GNAI3: variants seen among roughly 807,000 people sequenced by gnomAD.
GNAI3 encodes the protein G protein subunit alpha i3.
A neutral mutation model predicts 41.8 loss-of-function variants in GNAI3; 12 were observed. The ratio of observed to expected loss-of-function variants is 0.29; its 90% CI spans 0.18 to 0.47. The LOEUF is 0.47. Among genes scored for constraint, GNAI3 ranks in the 20% least tolerant of loss-of-function variants. GNAI3 has a pLI of 1.00. For synonymous variants in GNAI3, 132 were observed against 146.5 expected (o/e 0.90, Z 0.71); for missense variants, 360 against 429.6 (o/e 0.84, Z 1.43).
intron 3 of GNAI3, among the ~76,000 whole-genome samples, chr1:109,574,906 C>T (rs929298358): frequency 6.6e-6 from 1 of 152,176 alleles, no homozygotes; most frequent in South Asian, 2.1e-4. Flanking sequence ...TAGGAACTCT[C>T]ATAAGCCACT....
intron 7 of GNAI3, among the ~76,000 whole-genome samples, chr1:109,588,064 A>G (rs1649077486): frequency 6.6e-6 from 1 of 152,124 alleles, no homozygotes; most frequent in Non-Finnish European, 1.5e-5. Context: ...CAGCCTAGTC[A>G]CAGTTTCTGT....
At chr1:109,575,970 G>A (rs1434619687) in intron 3 of GNAI3, among the ~76,000 whole-genome samples, 1 of 152,148 alleles carries the variant, frequency 6.6e-6, no homozygotes, top group East Asian at 1.9e-4. Flanking sequence ...AACCTAGTCT[G>A]TAATCCTATA....
At position 109,548,807 on chromosome 1, in the gene GNAI3, A is replaced by C; in HGVS notation, c.87A>C (p.Lys29Asn). The change falls in exon 1 of 9, where the codon AAA becomes AAC. Residue 29 changes from lysine (K) to asparagine (N), a missense_variant. Lys to Asn is a moderately conservative substitution (Grantham distance 94, BLOSUM62 0). Coordinates refer to ENST00000369851, the MANE Select transcript of GNAI3 (RefSeq NM_006496.4). ...IDRNLREDGEKAAKEVKLLLL... is the reference protein window; with the variant it reads ...IDRNLREDGENAAKEVKLLLL... Reference sequence around the variant, plus strand: ...GCAACTTACGGGAGGACGGGGAAAAAGCGGCCAAAGAAGTGAAGCTGCTGC... The same window carrying C: ...GCAACTTACGGGAGGACGGGGAAAACGCGGCCAAAGAAGTGAAGCTGCTGC... 6.8e-6 allele frequency: 11 copies of C among 1,611,196 alleles called. No homozygotes were observed. The highest frequency in any genetic ancestry group is 9.3e-6 in the Non-Finnish European group (11 of 1,178,408).
intron 1 of GNAI3, among the ~76,000 whole-genome samples, chr1:109,570,674 G>A (rs781004763): frequency 1.8e-4 from 28 of 152,206 alleles, no homozygotes; most frequent in Non-Finnish European, 3.4e-4. Flanking sequence ...ACCTAACTCA[G>A]TAAGAACCGG....
intron 1 of GNAI3, among the ~76,000 whole-genome samples, chr1:109,561,018 T>A (rs999316376): frequency 1.3e-5 from 2 of 152,234 alleles, no homozygotes; most frequent in African/African-American, 4.8e-5. Flanking sequence ...TCGTTTGATA[T>A]AATGATAAAA....
At chr1:109,564,092 C>T (rs772307051) in intron 1 of GNAI3, among the ~76,000 whole-genome samples, 25 of 148,124 alleles carry the variant, frequency 1.7e-4, no homozygotes, top group Non-Finnish European at 3.4e-4. Context: ...CAAACTAGGA[C>T]CAAAAGTTGG....
Position 109,599,567 on chromosome 1 carries a change from G to A in GNAI3, c.*7245G>A, listed in dbSNP as rs11101969. The A allele has an allele frequency of 0.43, 64,780 of 152,002 alleles. 15,145 individuals carry two copies. Among genetic ancestry groups the A allele is most frequent in the East Asian group, 0.64 (3,317 of 5,178 alleles). The allele number at this position is 152,002 out of a possible 1,614,324, so 9.4% of individuals were successfully genotyped here. A position where few individuals can be genotyped will look rare whatever the true frequency, so the allele number is the denominator to read the frequency against. On this transcript the variant is annotated 3_prime_UTR_variant, in exon 9 of 9. Transcript: ENST00000369851. ...CTATCAGATTTATGTGAAATGTAAC[G>A]TAATTTACATTTGATTTACTGTTAG...
chr1:109,580,887 A>G (rs548050997), intron 4 of GNAI3, among the ~76,000 whole-genome samples: 6 of 152,314 alleles, frequency 3.9e-5, no homozygotes, highest in East Asian at 3.9e-4. Context: ...TATTCTTTCA[A>G]TGAGAACTTG....
At chr1:109,579,169 G>A (rs771959477) in intron 3 of GNAI3, 35 bp from the exon 4 acceptor site, 7 of 1,547,488 alleles carry the variant, frequency 4.5e-6, no homozygotes, top group Admixed American at 1.8e-5. Flanking sequence ...AAGAAATGGA[G>A]AGTCATCTGT....
At chr1:109,579,136 A>G in intron 3 of GNAI3, 68 bp from the exon 4 acceptor site, 1 of 1,297,012 alleles carries the variant, frequency 7.7e-7, no homozygotes, top group Non-Finnish European at 1.1e-6. Context: ...TCTATATTTT[A>G]AAGAGACTGT....
At position 109,598,902 on chromosome 1, in the gene GNAI3, G is replaced by A. The variant is rs750451025; in HGVS notation, c.*6580G>A. On this transcript the variant is annotated 3_prime_UTR_variant, in exon 9 of 9. Coordinates refer to ENST00000369851, the MANE Select transcript of GNAI3 (RefSeq NM_006496.4). Reference sequence around the variant, plus strand: ...GAATCTGTGCTCTGGGGGCTGTGCCGGGTAGAGAGGGCAGTGGGAGGTAAG... The same window carrying A: ...GAATCTGTGCTCTGGGGGCTGTGCCAGGTAGAGAGGGCAGTGGGAGGTAAG... 5.6e-6 allele frequency: 3 copies of A among 534,678 alleles called. No individual in the cohort carries two copies. The highest frequency in any genetic ancestry group is 3.9e-5 in the African/African-American group (2 of 51,942). 33.1% of individuals were successfully genotyped at this position (534,678 alleles called of 1,614,324 possible). A position where few individuals can be genotyped will look rare whatever the true frequency, so the allele number is the denominator to read the frequency against.
intron 1 of GNAI3, among the ~76,000 whole-genome samples, chr1:109,570,388 A>G (rs986783665): frequency 1.3e-5 from 2 of 152,234 alleles, no homozygotes; most frequent in Non-Finnish European, 2.9e-5. Flanking sequence ...TAGATAATTT[A>G]TGTCATGACC....
At position 109,586,304 on chromosome 1, in the gene GNAI3, C is replaced by G. The variant is rs1649030737; in HGVS notation, c.679C>G (p.Leu227Val). The change falls in exon 6 of 9, where the codon CTC becomes GTC. Residue 227 changes from leucine (L) to valine (V), a missense_variant. Physicochemically the swap from Leu to Val is conservative, Grantham distance 32. Transcript: ENST00000369851. ...GVTAIIFCVA[L>V]SDYDLVLAED... Reference sequence around the variant, plus strand: ...GACAGCAATTATCTTCTGTGTGGCCCTCAGTGATTATGACCTTGTTCTGGC... The same window carrying G: ...GACAGCAATTATCTTCTGTGTGGCCGTCAGTGATTATGACCTTGTTCTGGC... The G allele has an allele frequency of 1.2e-6, 2 of 1,613,274 alleles. No individual in the cohort carries two copies. Among genetic ancestry groups the G allele is most frequent in the Non-Finnish European group, 1.7e-6 (2 of 1,179,484 alleles).
At position 109,598,546 on chromosome 1, in the gene GNAI3, C is replaced by T. The variant is rs777505985; in HGVS notation, c.*6224C>T. 2.9e-5 allele frequency: 5 copies of T among 175,034 alleles called. No homozygotes were observed. The highest frequency in any genetic ancestry group is 5.0e-5 in the Non-Finnish European group (4 of 80,448). The allele number at this position is 175,034 out of a possible 1,614,324, so 10.8% of individuals were successfully genotyped here. A position where few individuals can be genotyped will look rare whatever the true frequency, so the allele number is the denominator to read the frequency against. ...CAGAAAAAAAAAAATCCTAAGGCAG[C>T]ACCAACAAAGGTATTCAACGTAGTG... On this transcript the variant is annotated 3_prime_UTR_variant, in exon 9 of 9. Coordinates refer to ENST00000369851, the MANE Select transcript of GNAI3 (RefSeq NM_006496.4).
chr1:109,552,175 A>T (rs1467221284), intron 1 of GNAI3, among the ~76,000 whole-genome samples: 1 of 152,124 alleles, frequency 6.6e-6, no homozygotes, highest in East Asian at 1.9e-4. Context: ...AAAAAAAAAA[A>T]AATAAAGTGT....
chr1:109,572,558 A>G (rs1041290442), intron 1 of GNAI3, among the ~76,000 whole-genome samples: 1 of 152,158 alleles, frequency 6.6e-6, no homozygotes, highest in Middle Eastern at 3.2e-3. Flanking sequence ...CCTGATTAGC[A>G]TAGCTGAAGG....
At chr1:109,571,782 G>T (rs1648607214) in intron 1 of GNAI3, among the ~76,000 whole-genome samples, 1 of 152,160 alleles carries the variant, frequency 6.6e-6, no homozygotes, top group Non-Finnish European at 1.5e-5. Context: ...GCCAGGTGTG[G>T]TGGCGTGTGC....
intron 1 of GNAI3, among the ~76,000 whole-genome samples, chr1:109,557,063 G>T (rs1156503010): frequency 6.6e-6 from 1 of 152,104 alleles, no homozygotes; most frequent in Non-Finnish European, 1.5e-5. Context: ...AGCCTTCTGC[G>T]TAGCTGAGAG....
chr1:109,560,388 T>A (rs1648277141), intron 1 of GNAI3, among the ~76,000 whole-genome samples: 1 of 152,190 alleles, frequency 6.6e-6, no homozygotes. Flanking sequence ...TGCTGCTCAG[T>A]ATAATAATCT....
Sources: allele counts gnomAD v4.1 joint callset (sites outside exome capture counted in the v4.1 genomes callset), GRCh38; gene constraint gnomAD v4.1.1; transcripts MANE v1.5; gene names NCBI Gene and HGNC (gene_info 2026-07-23, HGNC 2026-07-21).